GRM8: variants seen among roughly 807,000 people sequenced by gnomAD.
GRM8 encodes metabotropic glutamate receptor 8.
In GRM8, 47 loss-of-function variants were observed where a neutral mutation model predicts 87.2. The ratio of observed to expected loss-of-function variants is 0.54; its 90% CI spans 0.43 to 0.69. The LOEUF is 0.69. Ranked by LOEUF, GRM8 falls within the 30% of genes least tolerant of loss-of-function variation. The probability of loss-of-function intolerance (pLI) is 0.00; values close to 1 mark genes in which losing one functional copy is unlikely to be tolerated. For missense variants in GRM8, 1,019 were observed against 1,139.2 expected, an observed-to-expected ratio of 0.89 and a Z score of 1.52; for synonymous variants, 396 against 404.5, an observed-to-expected ratio of 0.98 and a Z score of 0.25.
chr7:127,213,244 G>A (rs1027016991), intron 2 of GRM8, among the ~76,000 whole-genome samples: 2 of 152,088 alleles, frequency 1.3e-5, no homozygotes, highest in African/African-American at 4.8e-5. Context: ...ACCTTAGATA[G>A]TGCACCTTAA....
At chr7:127,048,278 T>C (rs1819138528) in intron 3 of GRM8, among the ~76,000 whole-genome samples, 1 of 152,254 alleles carries the variant, frequency 6.6e-6, no homozygotes, top group Admixed American at 6.5e-5. Context: ...GCAGGAGCAT[T>C]CCTGGTGTGT....
At chr7:127,142,425 C>G (rs1214519330) in intron 2 of GRM8, among the ~76,000 whole-genome samples, 4 of 152,170 alleles carry the variant, frequency 2.6e-5, no homozygotes, top group African/African-American at 9.7e-5. Flanking sequence ...CCAGTTTACA[C>G]ACAAAGCCAA....
intron 7 of GRM8, among the ~76,000 whole-genome samples, chr7:126,706,924 GT>G: frequency 6.6e-6 from 1 of 152,072 alleles, no homozygotes; most frequent in Non-Finnish European, 1.5e-5. Context: ...GCTCACTGGG[GT>G]CCTAGTCCTT....
intron 9 of GRM8, among the ~76,000 whole-genome samples, chr7:126,470,249 T>A (rs554882927): frequency 3.0e-4 from 46 of 151,992 alleles, no homozygotes; most frequent in Non-Finnish European, 4.7e-4. Flanking sequence ...TGCAGGTTAG[T>A]TACATACGTA....
intron 6 of GRM8, among the ~76,000 whole-genome samples, chr7:126,807,145 G>A (rs758293468): frequency 3.9e-5 from 6 of 152,170 alleles, no homozygotes; most frequent in Non-Finnish European, 7.4e-5. Context: ...CATTACTTTT[G>A]ACTAAGTTTT....
intron 9 of GRM8, among the ~76,000 whole-genome samples, chr7:126,463,924 T>TTA (rs982900616): frequency 1.3e-5 from 2 of 151,804 alleles, no homozygotes; most frequent in South Asian, 2.1e-4. Flanking sequence ...AATATAGTGT[T>TTA]TATATATATA....
intron 7 of GRM8, among the ~76,000 whole-genome samples, chr7:126,753,524 AT>A (rs916426901): frequency 3.3e-4 from 50 of 151,930 alleles, no homozygotes; most frequent in Admixed American, 7.9e-4. Context: ...GATTTCTGAA[AT>A]TTTTATTGTA....
chr7:126,806,053 G>A (rs1215114003), intron 6 of GRM8, among the ~76,000 whole-genome samples: 2 of 152,156 alleles, frequency 1.3e-5, no homozygotes, highest in African/African-American at 2.4e-5. Context: ...GTCCAGAATT[G>A]GTGGGTTCTT....
chr7:126,522,182 C>T (rs1470012229), intron 9 of GRM8, among the ~76,000 whole-genome samples: 2 of 152,188 alleles, frequency 1.3e-5, no homozygotes, highest in South Asian at 2.1e-4. Context: ...AAACTGCAAA[C>T]ATCTCATTTT....
chr7:126,969,144 G>T (rs552436976), intron 3 of GRM8, among the ~76,000 whole-genome samples: 346 of 152,186 alleles, frequency 2.3e-3, no homozygotes, highest in African/African-American at 7.9e-3. Flanking sequence ...TAATATTTTT[G>T]CTGGTGGAGG....
intron 7 of GRM8, among the ~76,000 whole-genome samples, chr7:126,756,349 C>T (rs947186268): frequency 6.6e-6 from 1 of 152,026 alleles, no homozygotes; most frequent in African/African-American, 2.4e-5. Context: ...GTCTAAATCA[C>T]ACTGGGTATG....
At chr7:126,844,433 C>A (rs1324452076) in intron 6 of GRM8, among the ~76,000 whole-genome samples, 1 of 152,108 alleles carries the variant, frequency 6.6e-6, no homozygotes, top group Non-Finnish European at 1.5e-5. Context: ...AATATTTTTG[C>A]TGAAACTTTT....
rs777230907 is a variant in GRM8, at chr7:126,532,944, C to G, written c.2430+8G>C. On this transcript the variant is annotated splice_region_variant and intron_variant, in intron 9 of 10. Transcript: ENST00000339582. Reference sequence around the variant, plus strand: ...AAAAAGTTGTCAAGTGTATTTCCTTCTACTTACCTTTTCTGCTGACTGGGC... The same window carrying G: ...AAAAAGTTGTCAAGTGTATTTCCTTGTACTTACCTTTTCTGCTGACTGGGC... The G allele has an allele frequency of 1.8e-5, 29 of 1,571,194 alleles. No homozygotes were observed. In the South Asian group the frequency reaches 3.0e-4, roughly 16 times the overall value.
At chr7:127,005,151 G>C (rs1263034268) in intron 3 of GRM8, among the ~76,000 whole-genome samples, 2 of 120,040 alleles carry the variant, frequency 1.7e-5, no homozygotes, top group Admixed American at 9.3e-5. Context: ...CTAGTATTTT[G>C]AAGTATCTGA....
chr7:126,484,915 G>A (rs1375498233), intron 9 of GRM8, among the ~76,000 whole-genome samples: 2 of 149,948 alleles, frequency 1.3e-5, no homozygotes, highest in Admixed American at 6.7e-5. Context: ...ATTGTCACTC[G>A]ATCTGCATGT....
At chr7:126,613,216 T>C (rs944433962) in intron 7 of GRM8, among the ~76,000 whole-genome samples, 15 of 152,222 alleles carry the variant, frequency 9.9e-5, no homozygotes, top group Non-Finnish European at 2.1e-4. Flanking sequence ...CCTACAAGTT[T>C]GCCATCTTTT....
At chr7:127,245,120 A>C (rs61753761) in intron 1 of GRM8, among the ~76,000 whole-genome samples, 4,189 of 152,304 alleles carry the variant, frequency 0.028, 86 homozygotes, top group Middle Eastern at 0.065. Flanking sequence ...AAAAGGAAAC[A>C]CTCAGAAAGT....
chr7:127,127,091 G>A (rs1384217502), intron 2 of GRM8, among the ~76,000 whole-genome samples: 1 of 151,994 alleles, frequency 6.6e-6, no homozygotes, highest in East Asian at 1.9e-4. Flanking sequence ...ATGATGTGAA[G>A]CAACTTAAAC....
chr7:126,852,624 CCTT>C (rs900570718), intron 6 of GRM8, among the ~76,000 whole-genome samples: 12 of 152,098 alleles, frequency 7.9e-5, no homozygotes, highest in Non-Finnish European at 1.6e-4. Flanking sequence ...ATTTAATAAA[CCTT>C]CTTAGAAATC....
Sources: allele counts gnomAD v4.1 joint callset (sites outside exome capture counted in the v4.1 genomes callset), GRCh38; gene constraint gnomAD v4.1.1; transcripts MANE v1.5; gene names NCBI Gene and HGNC (gene_info 2026-07-23, HGNC 2026-07-21).